Variants in IQGAP1 observed in about 807,000 individuals in gnomAD.
IQGAP1 encodes IQ motif containing GTPase activating protein 1.
IQGAP1 carries 66 observed loss-of-function variants against 215.6 expected under a neutral mutation model. The ratio of observed to expected loss-of-function variants is 0.31; its 90% CI spans 0.25 to 0.38. The LOEUF (loss-of-function observed/expected upper bound fraction) is 0.38, where lower values mean the gene tolerates loss of function less well. IQGAP1 is among the 10% of genes least tolerant of loss of function. The pLI is 1.00. For missense variants in IQGAP1, 1,712 were observed against 1,997.1 expected (o/e 0.86, Z 2.72); for synonymous variants, 772 against 728.7 (o/e 1.06, Z -0.96).
chr15:90,489,684 T>C (rs1287230766), intron 33 of IQGAP1, among the ~76,000 whole-genome samples: 1 of 152,206 alleles, frequency 6.6e-6, no homozygotes, highest in Non-Finnish European at 1.5e-5. Context: ...TTGTTTTCAA[T>C]GAAGTCTCAG....
intron 36 of IQGAP1, chr15:90,496,945 A>G: frequency 4.3e-6 from 1 of 232,674 alleles, no homozygotes; most frequent in Non-Finnish European, 8.3e-6. Context: ...AATTCCTATG[A>G]TGTCATCCCT....
chr15:90,495,769 G>T (rs1324213565), intron 36 of IQGAP1, among the ~76,000 whole-genome samples: 2 of 149,100 alleles, frequency 1.3e-5, no homozygotes, highest in Non-Finnish European at 1.5e-5. Flanking sequence ...TCCCAATTAG[G>T]TGGGACTACA....
At chr15:90,421,536 T>A (rs1450113952) in intron 2 of IQGAP1, among the ~76,000 whole-genome samples, 1 of 150,066 alleles carries the variant, frequency 6.7e-6, no homozygotes, top group Non-Finnish European at 1.5e-5. Flanking sequence ...AAAAAAGGAG[T>A]CTCTGTTGAT....
At chr15:90,400,945 G>A (rs1036902337) in intron 2 of IQGAP1, among the ~76,000 whole-genome samples, 2 of 152,150 alleles carry the variant, frequency 1.3e-5, no homozygotes, top group Non-Finnish European at 2.9e-5. Flanking sequence ...TGGACTCTTG[G>A]TTGTTTCTAG....
chr15:90,396,855 A>ATT (rs58594310), intron 2 of IQGAP1, among the ~76,000 whole-genome samples: 8 of 146,780 alleles, frequency 5.5e-5, no homozygotes, highest in African/African-American at 1.2e-4. Flanking sequence ...AGCAAAAAAA[A>ATT]TTTTTTTTTT....
chr15:90,478,515 T>C (rs1201764574), intron 26 of IQGAP1, among the ~76,000 whole-genome samples: 1 of 152,224 alleles, frequency 6.6e-6, no homozygotes, highest in Non-Finnish European at 1.5e-5. Context: ...AAAAGCATAA[T>C]TAAACATTGA....
At chr15:90,395,966 C>T (rs911309661) in intron 2 of IQGAP1, among the ~76,000 whole-genome samples, 2 of 152,138 alleles carry the variant, frequency 1.3e-5, no homozygotes, top group South Asian at 2.1e-4. Flanking sequence ...GCTGAGTGCC[C>T]GTACCCTAGC....
intron 3 of IQGAP1, among the ~76,000 whole-genome samples, chr15:90,426,825 T>C (rs1201785323): frequency 1.3e-5 from 2 of 151,646 alleles, no homozygotes; most frequent in Admixed American, 6.6e-5. Flanking sequence ...TGGTGGTGCA[T>C]GCCTGTAATC....
At chr15:90,421,537 C>G (rs1285100173) in intron 2 of IQGAP1, among the ~76,000 whole-genome samples, 1 of 151,286 alleles carries the variant, frequency 6.6e-6, no homozygotes, top group African/African-American at 2.4e-5. Context: ...AAAAAGGAGT[C>G]TCTGTTGATT....
At chr15:90,478,976 A>G (rs1966017763) in intron 26 of IQGAP1, among the ~76,000 whole-genome samples, 1 of 152,206 alleles carries the variant, frequency 6.6e-6, no homozygotes, top group Non-Finnish European at 1.5e-5. Context: ...TGCTGGGAAA[A>G]GGGAGTTCAG....
chr15:90,446,901 G>A (rs1025400853), intron 9 of IQGAP1, among the ~76,000 whole-genome samples: 2 of 152,106 alleles, frequency 1.3e-5, no homozygotes, highest in African/African-American at 4.8e-5. Flanking sequence ...CAATATAAAT[G>A]TTTATAGATA....
chr15:90,492,842 T>G, intron 35 of IQGAP1, 131 bp downstream of exon 35: 2 of 694,896 alleles, frequency 2.9e-6, no homozygotes, highest in Non-Finnish European at 2.3e-6. Context: ...TCTTTTATTT[T>G]ACCTCTAATC....
intron 8 of IQGAP1, among the ~76,000 whole-genome samples, chr15:90,442,444 C>T (rs1396371440): frequency 2.4e-5 from 3 of 127,420 alleles, no homozygotes; most frequent in East Asian, 3.6e-4. Context: ...GACTCCGTCT[C>T]GGGGGGGAAA....
rs757613212 is a variant in IQGAP1 at position 90,388,349 on chromosome 15, C to T, written c.8C>T (p.Ala3Val). The change falls in exon 1 of 38, where the codon GCC (alanine) becomes GTC (valine). Residue 3 changes from alanine to valine, a missense_variant. By Grantham distance (64) the Ala-to-Val change is moderately conservative (BLOSUM62 0). Coordinates refer to ENST00000268182, the MANE Select transcript of IQGAP1 (RefSeq NM_003870.4). Reference sequence around the variant, plus strand: ...GACTCGGGCTCGTCCGCCATGTCCGCCGCAGACGAGGTTGACGGGCTGGGC... The same window carrying T: ...GACTCGGGCTCGTCCGCCATGTCCGTCGCAGACGAGGTTGACGGGCTGGGC... The part of the protein sequence containing the change: MS[A>V]ADEVDGLGVA... 1.6e-5 allele frequency: 25 copies of T among 1,595,908 alleles called. No individual in the cohort carries two copies. Among genetic ancestry groups the T allele is most frequent in the South Asian group, 2.2e-5 (2 of 90,348 alleles).
chr15:90,502,029 T>C lies in IQGAP1; in HGVS notation c.*1921T>C, dbSNP rs3743412. 8.6e-3 allele frequency: 1,313 copies of C among 152,760 alleles called. 36 individuals carry two copies. In the East Asian group the frequency reaches 0.1, roughly 12 times the overall value. 9.5% of individuals were successfully genotyped at this position (152,760 alleles called of 1,614,324 possible). On this transcript the variant is annotated 3_prime_UTR_variant, in exon 38 of 38. Coordinates refer to ENST00000268182, the MANE Select transcript of IQGAP1 (RefSeq NM_003870.4). ...CACAGAGGATGCCCCAACAAACTCA[T>C]GGCGTTGAAACCACACAGTTCTCAT...
In IQGAP1 at chr15:90,476,757, C is replaced by CT; in HGVS notation, c.2882dup (p.Leu961PhefsTer67). Reference sequence around the variant, plus strand: ...AATAAACAGAAGGGAGGTCTCAAGGCTTTGAGCAAGGAGAAGAGAGAGAAG... The same window carrying CT: ...AATAAACAGAAGGGAGGTCTCAAGGCTTTTGAGCAAGGAGAAGAGAGAGAAG... On this transcript the variant is annotated frameshift_variant, in exon 24 of 38. Coordinates refer to ENST00000268182, the MANE Select transcript of IQGAP1 (RefSeq NM_003870.4). LOFTEE classifies it high-confidence loss of function. The CT allele has an allele frequency of 6.2e-7, 1 of 1,607,676 alleles. No individual in the cohort carries two copies. The highest frequency in any genetic ancestry group is 8.5e-7 in the Non-Finnish European group (1 of 1,178,564).
At chr15:90,392,705 T>G (rs1275678253) in intron 2 of IQGAP1, among the ~76,000 whole-genome samples, 2 of 151,900 alleles carry the variant, frequency 1.3e-5, no homozygotes, top group African/African-American at 4.8e-5. Context: ...AGCCTGAGTT[T>G]TTTGGTCTAC....
In IQGAP1 at chr15:90,396,361, C is replaced by G. The variant is rs1964718782; in HGVS notation, c.155+5488C>G. Among the ~76,000 whole-genome samples, 3 of 152,106 alleles carry G rather than the reference C, an allele frequency of 2.0e-5. No individual in the cohort carries two copies. The South Asian group carries it at 6.2e-4, about 32-fold the overall frequency. On this transcript the variant is annotated intron_variant, in intron 2 of 37. Transcript: ENST00000268182. ...TAGGTGAGGTGACTAGGAAGAATAT[C>G]ATGCCCAGCACTTCTAGAATTCTCA... is the stretch of plus-strand genomic sequence containing the variant.
chr15:90,443,941 G>A (rs1292481022), intron 9 of IQGAP1, among the ~76,000 whole-genome samples: 5 of 151,956 alleles, frequency 3.3e-5, no homozygotes, highest in African/African-American at 1.2e-4. Context: ...GCGTGCTCTT[G>A]TAGTCCCAGC....
Sources: allele counts gnomAD v4.1 joint callset (sites outside exome capture counted in the v4.1 genomes callset), GRCh38; gene constraint gnomAD v4.1.1; transcripts MANE v1.5; gene names NCBI Gene and HGNC (gene_info 2026-07-23, HGNC 2026-07-21).